PCSK6: variants seen among roughly 807,000 people sequenced by gnomAD.
The protein encoded by PCSK6 is proprotein convertase subtilisin/kexin type 6.
Under a neutral mutation model 123.3 loss-of-function variants are expected in PCSK6, and 85 were observed. That is an observed-to-expected ratio of 0.69 (90% CI 0.58 to 0.83). The LOEUF (loss-of-function observed/expected upper bound fraction) is 0.83, where lower values mean the gene tolerates loss of function less well. Ranked by LOEUF, PCSK6 falls within the 40% of genes least tolerant of loss-of-function variation. The pLI, the probability that PCSK6 is intolerant of heterozygous loss-of-function variation, is 0.00. For missense variants in PCSK6, 1,191 were observed against 1,282.3 expected, an observed-to-expected ratio of 0.93 and a Z score of 1.09; for synonymous variants, 508 against 516.0, an observed-to-expected ratio of 0.98 and a Z score of 0.21.
chr15:101,440,780 G>A (rs1296375985), intron 2 of PCSK6, among the ~76,000 whole-genome samples: 2 of 152,192 alleles, frequency 1.3e-5, no homozygotes, highest in Non-Finnish European at 2.9e-5. Context: ...TGCAATAAAA[G>A]ATAACACTAA....
At chr15:101,477,645 C>T (rs1012582906) in intron 1 of PCSK6, among the ~76,000 whole-genome samples, 4 of 152,190 alleles carry the variant, frequency 2.6e-5, no homozygotes, top group African/African-American at 7.2e-5. Context: ...TCTGTATCCA[C>T]ATATCCTTTC....
intron 2 of PCSK6, among the ~76,000 whole-genome samples, chr15:101,439,838 T>C (rs1432436536): frequency 6.6e-6 from 1 of 152,094 alleles, no homozygotes; most frequent in African/African-American, 2.4e-5. Flanking sequence ...AGCACTGAAA[T>C]GAAGCATTGA....
chr15:101,369,004 G>C (rs1294342551), intron 12 of PCSK6, among the ~76,000 whole-genome samples: 1 of 152,200 alleles, frequency 6.6e-6, no homozygotes, highest in African/African-American at 2.4e-5. Context: ...GGGCCTCCCG[G>C]CAGGAGGGAG....
rs145921021 is a variant in PCSK6, at chr15:101,472,422, G to T, written c.297+16952C>A. Among the ~76,000 whole-genome samples, 127 of 152,350 alleles carry T rather than the reference G, an allele frequency of 8.3e-4. 3 individuals carry two copies. The East Asian group carries it at 0.021, about 25-fold the overall frequency. Reference sequence around the variant, plus strand: ...TGCCAGGCATCAGTTTCACACCCACGGTGCATGCAGAAACATGGCCCAAGC... The same window carrying T: ...TGCCAGGCATCAGTTTCACACCCACTGTGCATGCAGAAACATGGCCCAAGC... On this transcript the variant is annotated intron_variant, in intron 1 of 21. Coordinates refer to ENST00000611716, the MANE Select transcript of PCSK6 (RefSeq NM_002570.5).
intron 4 of PCSK6, 133 bp from the exon 5 acceptor site, chr15:101,430,196 T>C (rs929802111): frequency 1.3e-5 from 9 of 687,966 alleles, no homozygotes; most frequent in African/African-American, 1.3e-4. Context: ...TAATCTCATA[T>C]ACGTTTTTAT....
At chr15:101,311,098 G>A (rs2039849526) in intron 20 of PCSK6, among the ~76,000 whole-genome samples, 2 of 151,860 alleles carry the variant, frequency 1.3e-5, no homozygotes, top group South Asian at 2.1e-4. Flanking sequence ...GTTTAAAGGT[G>A]TGTGGCAACT....
intron 6 of PCSK6, among the ~76,000 whole-genome samples, chr15:101,402,128 T>C (rs1167622213): frequency 6.8e-6 from 1 of 147,878 alleles, no homozygotes; most frequent in Non-Finnish European, 1.5e-5. Flanking sequence ...TATCTACAAC[T>C]ATCTGATCTT....
At chr15:101,442,317 T>C (rs2141149293) in intron 2 of PCSK6, among the ~76,000 whole-genome samples, 1 of 152,328 alleles carries the variant, frequency 6.6e-6, no homozygotes, top group African/African-American at 2.4e-5. Context: ...CGTATCTATC[T>C]ATCCATCCAT....
chr15:101,396,936 T>A (rs1330794407), intron 7 of PCSK6, among the ~76,000 whole-genome samples: 1 of 151,774 alleles, frequency 6.6e-6, no homozygotes, highest in Non-Finnish European at 1.5e-5. Flanking sequence ...CTGTATTTGG[T>A]CATTGGTTTC....
At position 101,366,315 on chromosome 15, in the gene PCSK6, T is replaced by C. The variant is rs147253208; in HGVS notation, c.1739A>G (p.Asn580Ser). 98 of 1,612,706 alleles carry C rather than the reference T, an allele frequency of 6.1e-5. No individual in the cohort carries two copies. In the African/African-American group the frequency reaches 1.1e-3, roughly 19 times the overall value. ...GAATTCCCAGTTTGTAAACCCTTCA[T>C]TGGAAAGATCCAGCAACCTGCAATT... is the stretch of plus-strand genomic sequence containing the variant. ...LLAKRLLDLS[N>S]EGFTNWEFMT... Residue 580 changes from asparagine (N) to serine (S), a missense_variant, in exon 13 of 22, where the codon AAT becomes AGT. Physicochemically the swap from Asn to Ser is conservative, Grantham distance 46. This residue lies in a region of PCSK6 where 630 missense variants were observed against 631.4 expected (regional missense o/e 1.00). Transcript: ENST00000611716.
intron 1 of PCSK6, among the ~76,000 whole-genome samples, chr15:101,452,812 G>A (rs34257513): frequency 0.36 from 43,893 of 122,558 alleles, 6,328 homozygotes; most frequent in African/African-American, 0.45. Flanking sequence ...GATAAAGACC[G>A]GTGGAATTCC....
intron 20 of PCSK6, chr15:101,312,957 G>T: frequency 1.0e-6 from 1 of 957,756 alleles, no homozygotes; most frequent in Non-Finnish European, 1.3e-6. Flanking sequence ...GTGAGCTGAG[G>T]TCACACCAGT....
chr15:101,355,187 G>A (rs1204693900), intron 13 of PCSK6, among the ~76,000 whole-genome samples: 1 of 152,228 alleles, frequency 6.6e-6, no homozygotes, highest in East Asian at 1.9e-4. Context: ...GGGAGAAAGT[G>A]AATTCTCAGA....
At chr15:101,311,181 G>A (rs1295489177) in intron 20 of PCSK6, among the ~76,000 whole-genome samples, 1 of 151,930 alleles carries the variant, frequency 6.6e-6, no homozygotes, top group Admixed American at 6.6e-5. Flanking sequence ...TGCGATCATA[G>A]CTCACTGCAA....
At chr15:101,348,630 AT>A (rs1241171689) in intron 13 of PCSK6, among the ~76,000 whole-genome samples, 1 of 152,222 alleles carries the variant, frequency 6.6e-6, no homozygotes, top group Non-Finnish European at 1.5e-5. Flanking sequence ...AAAGATTGTA[AT>A]CCTGAAACCT....
intron 11 of PCSK6, among the ~76,000 whole-genome samples, chr15:101,381,181 G>A (rs1308221113): frequency 6.6e-6 from 1 of 152,096 alleles, no homozygotes; most frequent in African/African-American, 2.4e-5. Flanking sequence ...GGCCAAGATG[G>A]TGAAACCCCA....
intron 2 of PCSK6, among the ~76,000 whole-genome samples, chr15:101,436,897 C>T (rs1237615834): frequency 1.3e-5 from 2 of 152,226 alleles, no homozygotes; most frequent in African/African-American, 4.8e-5. Flanking sequence ...AAGTGCCCGT[C>T]ACTGCATAAT....
intron 13 of PCSK6, among the ~76,000 whole-genome samples, chr15:101,339,563 G>C (rs773700040): frequency 6.6e-5 from 10 of 152,026 alleles, no homozygotes; most frequent in African/African-American, 9.7e-5. Flanking sequence ...CCTTAAAAGG[G>C]GTGAATTTCA....
At chr15:101,367,918 G>C (rs1366807540) in intron 12 of PCSK6, among the ~76,000 whole-genome samples, 3 of 152,192 alleles carry the variant, frequency 2.0e-5, no homozygotes, top group Non-Finnish European at 1.5e-5. Flanking sequence ...TCCGCCTCCT[G>C]GGTTCAAGTG....
Sources: gnomAD v4.1 joint callset for allele counts (sites outside exome capture counted in the v4.1 genomes callset) on GRCh38, gnomAD v4.1.1 for gene constraint, gnomAD v4.1.1 regional missense constraint, MANE v1.5 for transcripts, NCBI Gene and HGNC (gene_info 2026-07-23, HGNC 2026-07-21) for gene names.